Variants in RMND1 observed in about 807,000 individuals in gnomAD.
RMND1 encodes the protein required for meiotic nuclear division protein 1 homolog.
RMND1 carries 41 observed loss-of-function variants against 54.0 expected under a neutral mutation model. The ratio of observed to expected loss-of-function variants is 0.76; its 90% CI spans 0.59 to 0.98. RMND1 has a LOEUF of 0.98. Among genes scored for constraint, RMND1 ranks in the 50% least tolerant of loss-of-function variants. The pLI is 0.00. For missense variants in RMND1, 457 were observed against 532.0 expected, an observed-to-expected ratio of 0.86 and a Z score of 1.39; for synonymous variants, 183 against 181.7, an observed-to-expected ratio of 1.01 and a Z score of -0.06.
In RMND1 at chr6:151,405,761, G is replaced by C. The variant is rs1336888331; in HGVS notation, c.1276C>G (p.Leu426Val). Reference sequence around the variant, plus strand: ...ATGACAATCATCCACTCCAAGCGGAGTGCCCTCTTCTCATTCAGGTGATTC... The same window carrying C: ...ATGACAATCATCCACTCCAAGCGGACTGCCCTCTTCTCATTCAGGTGATTC... Reference protein sequence around the residue: ...MRNHLNEKRALRLEWMIVILI... With the variant: ...MRNHLNEKRAVRLEWMIVILI... Residue 426 changes from leucine (L) to valine (V), a missense_variant, in exon 11 of 12, where the codon CTC (leucine) becomes GTC (valine). Coordinates refer to ENST00000444024, the MANE Select transcript of RMND1 (RefSeq NM_017909.4). 1 of 1,609,028 alleles carries C rather than the reference G, an allele frequency of 6.2e-7. No homozygotes were observed. Among genetic ancestry groups the C allele is most frequent in the Non-Finnish European group, 8.5e-7 (1 of 1,175,478 alleles).
intron 10 of RMND1, among the ~76,000 whole-genome samples, chr6:151,414,699 A>C (rs1425768541): frequency 6.6e-6 from 1 of 152,248 alleles, no homozygotes; most frequent in Non-Finnish European, 1.5e-5. Flanking sequence ...AGAGGAAGGA[A>C]TCAATCAACT....
At chr6:151,405,357 C>A (rs758143612) in intron 11 of RMND1, 90 bp from the exon 12 acceptor site, 2 of 1,232,390 alleles carry the variant, frequency 1.6e-6, no homozygotes, top group African/African-American at 1.5e-5. Flanking sequence ...ATGAGAAATG[C>A]TCCTGAAGTA....
intron 3 of RMND1, 42 bp from the exon 4 acceptor site, chr6:151,433,272 A>G (rs1465424134): frequency 7.2e-7 from 1 of 1,389,074 alleles, no homozygotes; most frequent in Admixed American, 1.7e-5. Flanking sequence ...ATGTCAAGGT[A>G]ACACAAGTTG....
Position 151,430,164 on chromosome 6 carries a change from C to G in RMND1, c.703G>C (p.Val235Leu). ...GTTTTGTCTTTCACATTCCAAAACA[C>G]AGCAGCTCCTTCCCTGATTTAAAAA... Reference protein sequence around the residue: ...TIFFFREGAAVFWNVKDKTMK... With the variant: ...TIFFFREGAALFWNVKDKTMK... The change falls in exon 5 of 12, where the codon GTG becomes CTG. Residue 235 changes from valine to leucine, a missense_variant. Physicochemically the swap from Val to Leu is conservative, Grantham distance 32. Coordinates refer to ENST00000444024, the MANE Select transcript of RMND1 (RefSeq NM_017909.4). 5 of 1,601,662 alleles carry G rather than the reference C, an allele frequency of 3.1e-6. No homozygotes were observed. The East Asian group carries it at 8.9e-5, about 29-fold the overall frequency.
chr6:151,424,868 G>A (rs1488253410), intron 6 of RMND1, among the ~76,000 whole-genome samples: 1 of 149,178 alleles, frequency 6.7e-6, no homozygotes, highest in African/African-American at 2.5e-5. Flanking sequence ...AAGGGAGGGG[G>A]ACAAGGGGCC....
chr6:151,407,012 G>A (rs558874653), intron 10 of RMND1, among the ~76,000 whole-genome samples: 2 of 152,142 alleles, frequency 1.3e-5, no homozygotes, highest in East Asian at 3.9e-4. Context: ...AATTAGCCAG[G>A]CATGGTGGTG....
At chr6:151,446,596 GTTATT>G (rs766363631) in intron 1 of RMND1, among the ~76,000 whole-genome samples, 7 of 151,840 alleles carry the variant, frequency 4.6e-5, no homozygotes, top group Non-Finnish European at 8.8e-5. Context: ...TATGAAATGT[GTTATT>G]TTAAAGTTAG....
chr6:151,447,240 T>C lies in RMND1; in HGVS notation c.-14-1415A>G, dbSNP rs146230844. The stretch of plus-strand genomic sequence containing the variant: ...CCGATGGCCAGATCACCAAAGGATA[T>C]ATAAAGTCATCCTAAAAAGTTTCTA... On this transcript the variant is annotated intron_variant, in intron 1 of 11. Coordinates refer to ENST00000444024, the MANE Select transcript of RMND1 (RefSeq NM_017909.4). Among the ~76,000 whole-genome samples, 1,054 of 152,184 alleles carry C rather than the reference T, an allele frequency of 6.9e-3. 14 individuals are homozygous for C. Among genetic ancestry groups the C allele is most frequent in the African/African-American group, 0.024 (990 of 41,536 alleles).
intron 6 of RMND1, among the ~76,000 whole-genome samples, chr6:151,423,962 C>T (rs1390808981): frequency 2.6e-5 from 4 of 151,904 alleles, no homozygotes; most frequent in African/African-American, 9.7e-5. Context: ...ATTCTCCTGC[C>T]TCAGCCTCCC....
intron 5 of RMND1, 142 bp from the exon 6 acceptor site, chr6:151,427,724 A>G: frequency 1.8e-6 from 1 of 566,246 alleles, no homozygotes; most frequent in South Asian, 2.2e-5. Context: ...GGCAAATCAA[A>G]TCCATTGTGA....
chr6:151,409,230 C>T (rs1009364320), intron 10 of RMND1, among the ~76,000 whole-genome samples: 5 of 152,240 alleles, frequency 3.3e-5, no homozygotes, highest in South Asian at 4.1e-4. Context: ...GGCTTGAAGA[C>T]GGGTCAGTAT....
At chr6:151,428,496 T>C (rs1456754914) in intron 5 of RMND1, among the ~76,000 whole-genome samples, 1 of 152,208 alleles carries the variant, frequency 6.6e-6, no homozygotes, top group East Asian at 1.9e-4. Flanking sequence ...AATACTTCTT[T>C]AGGAATTGCT....
intron 11 of RMND1, 115 bp downstream of exon 11, chr6:151,405,605 C>T (rs1779586568): frequency 4.6e-6 from 3 of 646,796 alleles, no homozygotes; most frequent in African/African-American, 3.7e-5. Context: ...GTAATGATAA[C>T]AAAGTCAGCC....
intron 1 of RMND1, among the ~76,000 whole-genome samples, chr6:151,450,215 C>G (rs1781101504): frequency 6.6e-6 from 1 of 151,394 alleles, no homozygotes; most frequent in African/African-American, 2.4e-5. Context: ...GGAGTCTCTG[C>G]CCGGCCGCCC....
At chr6:151,405,416 C>T (rs1582935750) in intron 11 of RMND1, 149 bp from the exon 12 acceptor site, 11 of 707,138 alleles carry the variant, frequency 1.6e-5, no homozygotes, top group East Asian at 8.2e-5. Context: ...ATTGGAGGTA[C>T]GGGTGCTTGA....
At chr6:151,414,179 C>T (rs1779934686) in intron 10 of RMND1, among the ~76,000 whole-genome samples, 1 of 152,092 alleles carries the variant, frequency 6.6e-6, no homozygotes. Context: ...AAGCAATCCT[C>T]CTGCCTCAAC....
chr6:151,405,811 C>T lies in RMND1; in HGVS notation c.1226G>A (p.Cys409Tyr). The T allele has an allele frequency of 6.2e-7, 1 of 1,610,556 alleles. No homozygotes were observed. The highest frequency in any genetic ancestry group is 8.5e-7 in the Non-Finnish European group (1 of 1,177,072). ...VKVMNEKLQH[C>Y]MELTDLMRNH... ...CCGCATTAGATCTGTTAGTTCCATG[C>T]AGTGCTGAAGTTTTTCATTCATGAC... The change falls in exon 11 of 12, where the codon TGC becomes TAC. Residue 409 changes from cysteine (C) to tyrosine (Y), a missense_variant. By Grantham distance (194) the Cys-to-Tyr change is radical (BLOSUM62 -2). Transcript: ENST00000444024.
rs117927283 is a variant in RMND1 at position 151,428,848 on chromosome 6, T to C, written c.730-1266A>G. ...CACACCTGGCCCACACTTATAATAT[T>C]GCTAGCCTGCTCTCCAAAGTAGTTT... On this transcript the variant is annotated intron_variant, in intron 5 of 11. Transcript: ENST00000444024. Among the ~76,000 whole-genome samples the C allele has an allele frequency of 4.3e-3, 659 of 152,290 alleles. 10 individuals are homozygous for C. The East Asian group carries it at 0.047, about 11-fold the overall frequency.
At chr6:151,421,888 G>T (rs183675203) in intron 8 of RMND1, among the ~76,000 whole-genome samples, 9 of 152,096 alleles carry the variant, frequency 5.9e-5, no homozygotes, top group Admixed American at 1.3e-4. Context: ...GCCGAGGCAG[G>T]AGGATCGCTT....
Sources: allele counts gnomAD v4.1 joint callset (sites outside exome capture counted in the v4.1 genomes callset), GRCh38; gene constraint gnomAD v4.1.1; transcripts MANE v1.5; gene names NCBI Gene and HGNC (gene_info 2026-07-23, HGNC 2026-07-21).